EPC2: variants seen among roughly 807,000 people sequenced by gnomAD.
The protein encoded by EPC2 is enhancer of polycomb homolog 2.
EPC2 carries 14 observed loss-of-function variants against 92.1 expected under a neutral mutation model. That is an observed-to-expected ratio of 0.15 (90% CI 0.10 to 0.24). The LOEUF is 0.24. Among genes scored for constraint, EPC2 ranks in the 10% least tolerant of loss-of-function variants. The probability of loss-of-function intolerance (pLI) is 1.00; values close to 1 mark genes in which losing one functional copy is unlikely to be tolerated. For synonymous variants in EPC2, 340 were observed against 334.7 expected (o/e 1.02, Z -0.17); for missense variants, 755 against 971.5 (o/e 0.78, Z 2.96).
In EPC2 at chr2:148,715,097, G is replaced by A. The variant is rs188105774; in HGVS notation, c.313+24724G>A. On this transcript the variant is annotated intron_variant, in intron 2 of 13. Transcript: ENST00000258484. ...TGCCTAGGCTGAAGTGCAGTGGCAC[G>A]ATCTCAGCTCACTGCAAGCTCCGCC... 9.7e-5 allele frequency among the ~76,000 whole-genome samples: 13 copies of A among 134,222 alleles called. No individual in the cohort carries two copies. In the East Asian group the frequency reaches 2.7e-3, roughly 28 times the overall value. 88.1% of individuals were successfully genotyped at this position (134,222 alleles called of 152,430 possible).
In EPC2 at chr2:148,783,674, T is replaced by C. The variant is rs746421030; in HGVS notation, c.1935T>C (p.Ser645=). Reference sequence around the variant, plus strand: ...ACTTTGCTGCATCTGCAGTGGTCAGTGCACCTGTTCCAAGTCGCAGTGAGG... The same window carrying C: ...ACTTTGCTGCATCTGCAGTGGTCAGCGCACCTGTTCCAAGTCGCAGTGAGG... ...SAHFAASAVV[S]APVPSRSEVA... The change falls in exon 12 of 14, where the codon AGT becomes AGC. Residue 645 remains serine, a synonymous_variant. Coordinates refer to ENST00000258484, the MANE Select transcript of EPC2 (RefSeq NM_015630.4). 6.2e-7 allele frequency: 1 copy of C among 1,600,522 alleles called. No homozygotes were observed. The highest frequency in any genetic ancestry group is 8.5e-7 in the Non-Finnish European group (1 of 1,173,012).
Position 148,721,712 on chromosome 2 carries a change from C to CTT in EPC2, c.314-21894_314-21893dup, listed in dbSNP as rs34017461. Among the ~76,000 whole-genome samples, 697 of 111,484 alleles carry CTT rather than the reference C, an allele frequency of 6.3e-3. 15 individuals are homozygous for CTT. The highest frequency in any genetic ancestry group is 0.02 in the African/African-American group (584 of 28,660). The allele number at this position is 111,484 out of a possible 152,430, so 73.1% of individuals were successfully genotyped here. The stretch of plus-strand genomic sequence containing the variant: ...ACATTTAGTAGTATTCTGTTTTATT[C>CTT]TTTTTTTTTTTTTTTTTGCCTTGCT... On this transcript the variant is annotated intron_variant, in intron 2 of 13. Coordinates refer to ENST00000258484, the MANE Select transcript of EPC2 (RefSeq NM_015630.4).
At chr2:148,703,483 CCTTTT>C (rs1681929259) in intron 2 of EPC2, among the ~76,000 whole-genome samples, 1 of 151,948 alleles carries the variant, frequency 6.6e-6, no homozygotes, top group Admixed American at 6.6e-5. Context: ...GTTTCAGGAT[CCTTTT>C]CTTTGGGAGT....
chr2:148,677,560 C>A (rs1468577715), intron 1 of EPC2, among the ~76,000 whole-genome samples: 1 of 152,154 alleles, frequency 6.6e-6, no homozygotes, highest in African/African-American at 2.4e-5. Flanking sequence ...CTTGTATTCC[C>A]AGCTACTTGA....
chr2:148,682,099 A>G (rs1225199695), intron 1 of EPC2, among the ~76,000 whole-genome samples: 2 of 152,090 alleles, frequency 1.3e-5, no homozygotes. Context: ...TATGTGCCAC[A>G]TTTTCTTAAT....
chr2:148,731,393 G>T (rs996904276), intron 2 of EPC2, among the ~76,000 whole-genome samples: 1 of 152,084 alleles, frequency 6.6e-6, no homozygotes, highest in Non-Finnish European at 1.5e-5. Context: ...ATAATTTCCA[G>T]AAGTAAATAT....
At chr2:148,646,561 G>A (rs186978833) in intron 1 of EPC2, among the ~76,000 whole-genome samples, 2 of 150,418 alleles carry the variant, frequency 1.3e-5, no homozygotes, top group Admixed American at 6.6e-5. Flanking sequence ...TTATCCCTAA[G>A]GTTTAGAGCT....
chr2:148,765,010 A>G lies in EPC2; in HGVS notation c.1004A>G (p.Lys335Arg). Residue 335 changes from lysine (K) to arginine (R), a missense_variant, in exon 7 of 14, where the codon AAG becomes AGG. Lys to Arg is a conservative substitution (Grantham distance 26). Around this residue, in one of 4 missense-constraint regions of EPC2, gnomAD observed 509 missense variants for 607.7 expected, o/e 0.84. Transcript: ENST00000258484. Reference protein sequence around the residue: ...EEASDVVRQKKKYPKKPKAEA... With the variant: ...EEASDVVRQKRKYPKKPKAEA... ...GCTTCTGATGTGGTTCGTCAAAAGA[A>G]GAAGTACCCAAAGAAGCCTAAAGCA... The G allele has an allele frequency of 1.2e-6, 2 of 1,605,302 alleles. No individual in the cohort carries two copies. Among genetic ancestry groups the G allele is most frequent in the South Asian group, 1.1e-5 (1 of 89,298 alleles).
intron 2 of EPC2, among the ~76,000 whole-genome samples, chr2:148,691,209 CT>C (rs1266236256): frequency 2.0e-5 from 3 of 152,184 alleles, no homozygotes; most frequent in Non-Finnish European, 4.4e-5. Flanking sequence ...CTATACTCTT[CT>C]AATCTAGCTT....
chr2:148,696,731 A>G (rs71413627), intron 2 of EPC2, among the ~76,000 whole-genome samples: 27,542 of 152,112 alleles, frequency 0.18, 3,574 homozygotes, highest in East Asian at 0.48. Flanking sequence ...GGCCTTCAGC[A>G]TATTCACCTA....
intron 1 of EPC2, among the ~76,000 whole-genome samples, chr2:148,668,373 C>G (rs1681094257): frequency 6.6e-6 from 1 of 152,118 alleles, no homozygotes. Flanking sequence ...CATTTCAGTT[C>G]ATAAATACGT....
intron 1 of EPC2, among the ~76,000 whole-genome samples, chr2:148,663,390 T>G (rs1680987153): frequency 6.6e-6 from 1 of 151,060 alleles, no homozygotes; most frequent in African/African-American, 2.4e-5. Context: ...GACTAATTTT[T>G]TGTATTTTTA....
intron 1 of EPC2, among the ~76,000 whole-genome samples, chr2:148,648,359 T>C (rs1359419025): frequency 6.6e-6 from 1 of 152,262 alleles, no homozygotes; most frequent in East Asian, 1.9e-4. Context: ...TTTATAAAAA[T>C]GGTTCTGCCT....
intron 2 of EPC2, among the ~76,000 whole-genome samples, chr2:148,706,446 T>A (rs529637937): frequency 3.3e-5 from 5 of 152,040 alleles, no homozygotes; most frequent in Non-Finnish European, 7.4e-5. Context: ...CAGGAGAACT[T>A]CCCCAACCTA....
chr2:148,752,565 A>G (rs1366639215), intron 3 of EPC2, among the ~76,000 whole-genome samples: 2 of 152,148 alleles, frequency 1.3e-5, no homozygotes, highest in African/African-American at 4.8e-5. Flanking sequence ...AGCTACCTCT[A>G]CTAAGAGATT....
intron 2 of EPC2, among the ~76,000 whole-genome samples, chr2:148,710,884 A>T (rs1480750071): frequency 6.6e-6 from 1 of 152,106 alleles, no homozygotes; most frequent in Non-Finnish European, 1.5e-5. Context: ...ATTAGGAGAT[A>T]CACTTAATGT....
chr2:148,775,770 CTTTTCTTTTTTTT>C (rs1683628244), intron 10 of EPC2, among the ~76,000 whole-genome samples: 1 of 56,514 alleles, frequency 1.8e-5, no homozygotes, highest in East Asian at 4.5e-4. Flanking sequence ...TTACCAATTT[CTTTTCTTTTTTTT>C]TTTTTTTTTT....
intron 3 of EPC2, among the ~76,000 whole-genome samples, chr2:148,752,399 G>A (rs1415659420): frequency 6.6e-6 from 1 of 152,094 alleles, no homozygotes; most frequent in Non-Finnish European, 1.5e-5. Flanking sequence ...TGTAGACTGG[G>A]GTTGACATCA....
In EPC2 at chr2:148,781,562, A is replaced by G. The variant is rs538082332; in HGVS notation, c.1721-82A>G. The G allele has an allele frequency of 3.5e-5, 44 of 1,268,318 alleles. No homozygotes were observed. In the African/African-American group the frequency reaches 5.5e-4, roughly 16 times the overall value. The allele number at this position is 1,268,318 out of a possible 1,614,324, so 78.6% of individuals were successfully genotyped here. A position where few individuals can be genotyped will look rare whatever the true frequency, so the allele number is the denominator to read the frequency against. On this transcript the variant is annotated intron_variant, in intron 10 of 13. Coordinates refer to ENST00000258484, the MANE Select transcript of EPC2 (RefSeq NM_015630.4). ...GTAATTGCTTTCATCTTAATTGTGG[A>G]ATAAGTTTATATCATATTCTGCTTG...
Sources: gnomAD v4.1 joint callset for allele counts (sites outside exome capture counted in the v4.1 genomes callset) on GRCh38, gnomAD v4.1.1 for gene constraint, gnomAD v4.1.1 regional missense constraint, MANE v1.5 for transcripts, NCBI Gene and HGNC (gene_info 2026-07-23, HGNC 2026-07-21) for gene names.